PLA2R1: variants seen among roughly 807,000 people sequenced by gnomAD.
PLA2R1 encodes phospholipase A2 receptor 1, also known as secretory phospholipase A2 receptor.
A neutral mutation model predicts 195.9 loss-of-function variants in PLA2R1; 158 were observed. The observed-to-expected ratio is 0.81, with a 90% CI of 0.71 to 0.92. The LOEUF (loss-of-function observed/expected upper bound fraction) is 0.92, where lower values mean the gene tolerates loss of function less well. Among genes scored for constraint, PLA2R1 ranks in the 40% least tolerant of loss-of-function variants. The pLI is 0.00. For missense variants in PLA2R1, 1,626 were observed against 1,764.6 expected (o/e 0.92, Z 1.41); for synonymous variants, 586 against 598.2 (o/e 0.98, Z 0.30).
chr2:159,961,916 T>C (rs1173497076), intron 20 of PLA2R1, among the ~76,000 whole-genome samples: 1 of 152,158 alleles, frequency 6.6e-6, no homozygotes, highest in African/African-American at 2.4e-5. Flanking sequence ...TTCCTTAAAA[T>C]ATCCTCTTTT....
chr2:160,037,595 C>T (rs1227238655), intron 3 of PLA2R1, among the ~76,000 whole-genome samples: 1 of 152,134 alleles, frequency 6.6e-6, no homozygotes, highest in Admixed American at 6.6e-5. Flanking sequence ...CTGTCTTTTA[C>T]TTGGTTTTAT....
intron 10 of PLA2R1, among the ~76,000 whole-genome samples, chr2:160,008,871 A>T (rs7606988): frequency 3.9e-5 from 6 of 152,138 alleles, no homozygotes; most frequent in Non-Finnish European, 8.8e-5. Flanking sequence ...AAACATCCCA[A>T]TTAAAAAATG....
At position 160,022,678 on chromosome 2, in the gene PLA2R1, G is replaced by A. The variant is rs1037142167; in HGVS notation, c.1281C>T (p.Thr427=). 3 of 1,593,474 alleles carry A rather than the reference G, an allele frequency of 1.9e-6. No individual in the cohort carries two copies. The highest frequency in any genetic ancestry group is 2.7e-5 in the African/African-American group (2 of 74,420). The part of the protein sequence containing the change: ...TSLAEVEFLV[T]LLGDENASET... ...GCTGGGACTCACCATCTCCAAGGAG[G>A]GTTACAAGAAACTCCACCTCTGCTA... The change falls in exon 7 of 30, where the codon ACC becomes ACT. Residue 427 remains threonine (T), a synonymous_variant. Transcript: ENST00000283243.
At chr2:160,016,482 C>T (rs1284707083) in intron 9 of PLA2R1, 132 bp downstream of exon 9, 6 of 582,774 alleles carry the variant, frequency 1.0e-5, no homozygotes, top group South Asian at 1.0e-4. Context: ...GGGGGGGGTG[C>T]GAGGAGAGAG....
the PLA2R1 span, among the ~76,000 whole-genome samples, chr2:159,925,305 G>A: frequency 1.4e-4 from 21 of 152,256 alleles, no homozygotes; most frequent in African/African-American, 3.6e-4. Flanking sequence ...GTAGGGGTGC[G>A]TATGTGTGTA....
At position 159,935,861 on chromosome 2, in the gene PLA2R1, CTAA is replaced by C. The variant is rs1436281111; in HGVS notation, c.*5914_*5916del. 2.0e-5 allele frequency: 3 copies of C among 151,838 alleles called. No homozygotes were observed. Among genetic ancestry groups the C allele is most frequent in the African/African-American group, 7.3e-5 (3 of 41,344 alleles). 9.4% of individuals were successfully genotyped at this position (151,838 alleles called of 1,614,324 possible). A position where few individuals can be genotyped will look rare whatever the true frequency, so the allele number is the denominator to read the frequency against. ...TCCAACTCCCCCACAGAATTTTATC[CTAA>C]TGAGATATACTTTAATTTGTGAAAT... On this transcript the variant is annotated 3_prime_UTR_variant, in exon 30 of 30. Transcript: ENST00000283243.
At chr2:160,034,110 A>C (rs1694027301) in intron 3 of PLA2R1, among the ~76,000 whole-genome samples, 1 of 152,246 alleles carries the variant, frequency 6.6e-6, no homozygotes, top group Non-Finnish European at 1.5e-5. Context: ...GAAGTTCTGT[A>C]GTAAAGAAAC....
Position 159,967,595 on chromosome 2 carries a change from CTTTCTT to C in PLA2R1, c.2842_2847del (p.Lys948_Lys949del). ...CACGTTCCATGTTGTTTTGGTGTAT[CTTTCTT>C]TTTCTCTATGAGCCAAACCTTTTTT... On this transcript the variant is annotated inframe_deletion, in exon 20 of 30. Coordinates refer to ENST00000283243, the MANE Select transcript of PLA2R1 (RefSeq NM_007366.5). 6.2e-7 allele frequency: 1 copy of C among 1,613,586 alleles called. No homozygotes were observed. Among genetic ancestry groups the C allele is most frequent in the East Asian group, 2.2e-5 (1 of 44,816 alleles).
rs1686622548 is a variant in PLA2R1, at chr2:159,932,266, G to A, written c.*9512C>T. 1.3e-5 allele frequency: 2 copies of A among 152,258 alleles called. No homozygotes were observed. The highest frequency in any genetic ancestry group is 4.8e-5 in the African/African-American group (2 of 41,456). The allele number at this position is 152,258 out of a possible 1,614,324, so 9.4% of individuals were successfully genotyped here. A position where few individuals can be genotyped will look rare whatever the true frequency, so the allele number is the denominator to read the frequency against. On this transcript the variant is annotated 3_prime_UTR_variant, in exon 30 of 30. Coordinates refer to ENST00000283243, the MANE Select transcript of PLA2R1 (RefSeq NM_007366.5). Reference sequence around the variant, plus strand: ...CGCACTGTCTGTTTGGTAGTGTGCAGAGATGGTTTTCTTTTGCACCTTTAG... The same window carrying A: ...CGCACTGTCTGTTTGGTAGTGTGCAAAGATGGTTTTCTTTTGCACCTTTAG...
intron 9 of PLA2R1, among the ~76,000 whole-genome samples, chr2:160,015,689 A>G (rs1206936300): frequency 1.3e-5 from 2 of 152,312 alleles, no homozygotes; most frequent in South Asian, 2.1e-4. Context: ...TAATTCAGAG[A>G]TTATAATCAT....
downstream of PLA2R1, among the ~76,000 whole-genome samples, chr2:159,929,364 A>G (rs1686540905): frequency 6.6e-6 from 1 of 152,234 alleles, no homozygotes; most frequent in Non-Finnish European, 1.5e-5. Flanking sequence ...TTCTCAAAAG[A>G]AGATACACAA....
At position 159,940,278 on chromosome 2, in the gene PLA2R1, C is replaced by A. The variant is rs563076989; in HGVS notation, c.*1500G>T. 1.3e-5 allele frequency: 2 copies of A among 152,184 alleles called. No individual in the cohort carries two copies. Among genetic ancestry groups the A allele is most frequent in the African/African-American group, 2.4e-5 (1 of 41,436 alleles). 9.4% of individuals were successfully genotyped at this position (152,184 alleles called of 1,614,324 possible). ...CTTACTTCATTTTCATAACCACTTGCTATTTTATGCATATGCATTTCTTTA... is the reference window on the plus strand; with the variant it reads ...CTTACTTCATTTTCATAACCACTTGATATTTTATGCATATGCATTTCTTTA... On this transcript the variant is annotated 3_prime_UTR_variant, in exon 30 of 30. Coordinates refer to ENST00000283243, the MANE Select transcript of PLA2R1 (RefSeq NM_007366.5).
chr2:159,977,764 C>T (rs945664277), intron 14 of PLA2R1, among the ~76,000 whole-genome samples: 3 of 151,872 alleles, frequency 2.0e-5, no homozygotes, highest in East Asian at 3.9e-4. Context: ...GGTGAAACCC[C>T]ATCTCTACTA....
chr2:159,960,974 CT>C (rs963389702), intron 20 of PLA2R1, among the ~76,000 whole-genome samples: 2 of 152,114 alleles, frequency 1.3e-5, no homozygotes, highest in African/African-American at 4.8e-5. Context: ...CCCAGTTTTC[CT>C]TCTGTAGCTT....
intron 4 of PLA2R1, among the ~76,000 whole-genome samples, chr2:160,030,687 G>A (rs1346281131): frequency 1.3e-5 from 2 of 152,052 alleles, no homozygotes; most frequent in East Asian, 1.9e-4. Context: ...GATATTTCTC[G>A]GCATTCATGA....
intron 11 of PLA2R1, among the ~76,000 whole-genome samples, chr2:159,992,874 C>G (rs1300645692): frequency 1.3e-5 from 2 of 151,980 alleles, no homozygotes; most frequent in Non-Finnish European, 2.9e-5. Context: ...TGAACATGCC[C>G]CGGAGTCATC....
At position 159,941,139 on chromosome 2, in the gene PLA2R1, A is replaced by G. The variant is rs1687066733; in HGVS notation, c.*639T>C. 1 of 152,216 alleles carries G rather than the reference A, an allele frequency of 6.6e-6. No individual in the cohort carries two copies. The highest frequency in any genetic ancestry group is 2.1e-4 in the South Asian group (1 of 4,834). 9.4% of individuals were successfully genotyped at this position (152,216 alleles called of 1,614,324 possible). ...TGTGCTGCTAATGAAGGTCTTTGCC[A>G]TTTAAAAGAAGGTATTTTTCTTTCT... is the stretch of plus-strand genomic sequence containing the variant. On this transcript the variant is annotated 3_prime_UTR_variant, in exon 30 of 30. Transcript: ENST00000283243.
In PLA2R1 at chr2:160,005,650, AC is replaced by A; in HGVS notation, c.1834+1del. 1 of 1,612,488 alleles carries A rather than the reference AC, an allele frequency of 6.2e-7. No homozygotes were observed. Among genetic ancestry groups the A allele is most frequent in the African/African-American group, 1.3e-5 (1 of 74,996 alleles). The stretch of plus-strand genomic sequence containing the variant: ...GTTGGTGATGCAGCACACTCTACTC[AC>A]GCGGCTGGTGTGTGTTCCAGTGTGT... On this transcript the variant is annotated splice_donor_variant, in intron 11 of 29. Coordinates refer to ENST00000283243, the MANE Select transcript of PLA2R1 (RefSeq NM_007366.5). LOFTEE classifies it high-confidence loss of function.
In PLA2R1 at chr2:160,044,869, G is replaced by T. The variant is rs34979630; in HGVS notation, c.398C>A (p.Ala133Glu). The T allele has an allele frequency of 6.2e-7, 1 of 1,613,854 alleles. No individual in the cohort carries two copies. The highest frequency in any genetic ancestry group is 1.3e-5 in the African/African-American group (1 of 74,902). The change falls in exon 2 of 30, where the codon GCG becomes GAG. Residue 133 changes from alanine to glutamate, a missense_variant. Physicochemically the swap from Ala to Glu is moderately radical, Grantham distance 107 (BLOSUM62 -1). Transcript: ENST00000283243. ...TGPLQYSVQV[A>E]HDNTVVASRK... ...TGAGGCCACCACTGTGTTGTCATGCGCCACCTGGACAGAGTACTGCAGCGG... is the reference window on the plus strand; with the variant it reads ...TGAGGCCACCACTGTGTTGTCATGCTCCACCTGGACAGAGTACTGCAGCGG...
Sources: allele counts gnomAD v4.1 joint callset (sites outside exome capture counted in the v4.1 genomes callset), GRCh38; gene constraint gnomAD v4.1.1; transcripts MANE v1.5; gene names NCBI Gene and HGNC (gene_info 2026-07-23, HGNC 2026-07-21).